Variants in TNRC6A observed in about 807,000 individuals in gnomAD.
TNRC6A encodes trinucleotide repeat-containing gene 6A protein.
Under a neutral mutation model 221.2 loss-of-function variants are expected in TNRC6A, and 44 were observed. The ratio of observed to expected loss-of-function variants is 0.20; its 90% CI spans 0.16 to 0.26. TNRC6A has a LOEUF of 0.26. Ranked by LOEUF, TNRC6A falls within the 10% of genes least tolerant of loss-of-function variation. TNRC6A has a pLI of 1.00. For synonymous variants in TNRC6A, 847 were observed against 838.5 expected, an observed-to-expected ratio of 1.01 and a Z score of -0.18; for missense variants, 2,199 against 2,404.4, an observed-to-expected ratio of 0.91 and a Z score of 1.79.
intron 2 of TNRC6A, among the ~76,000 whole-genome samples, chr16:24,707,865 C>G (rs1445593604): frequency 6.6e-6 from 1 of 152,158 alleles, no homozygotes; most frequent in East Asian, 1.9e-4. Context: ...TCAAGACCAG[C>G]CTGGCCAACA....
At chr16:24,649,214 AT>A (rs1902482330) in intron 2 of TNRC6A, among the ~76,000 whole-genome samples, 1 of 152,212 alleles carries the variant, frequency 6.6e-6, no homozygotes. Context: ...GTTTTTATAT[AT>A]GTATAAATTG....
intron 2 of TNRC6A, among the ~76,000 whole-genome samples, chr16:24,740,623 AT>A (rs957055387): frequency 6.6e-6 from 1 of 151,964 alleles, no homozygotes; most frequent in African/African-American, 2.4e-5. Flanking sequence ...AATACAGTAG[AT>A]TTTTTTTAAA....
At chr16:24,738,501 ACT>A (rs1357542216) in intron 2 of TNRC6A, among the ~76,000 whole-genome samples, 2 of 152,074 alleles carry the variant, frequency 1.3e-5, no homozygotes, top group African/African-American at 2.4e-5. Context: ...TTCTATTATA[ACT>A]CTATGGACTT....
intron 2 of TNRC6A, among the ~76,000 whole-genome samples, chr16:24,731,969 G>A (rs906997570): frequency 1.3e-5 from 2 of 152,280 alleles, no homozygotes; most frequent in African/African-American, 2.4e-5. Flanking sequence ...GTTCACAGAG[G>A]GCATGTACAG....
intron 2 of TNRC6A, among the ~76,000 whole-genome samples, chr16:24,724,636 C>T (rs1271651150): frequency 6.6e-6 from 1 of 152,046 alleles, no homozygotes; most frequent in Non-Finnish European, 1.5e-5. Flanking sequence ...GTCTCAGCTA[C>T]TTGAGGCTGA....
At chr16:24,705,621 C>T (rs573304594) in intron 2 of TNRC6A, among the ~76,000 whole-genome samples, 8 of 152,204 alleles carry the variant, frequency 5.3e-5, no homozygotes, top group South Asian at 4.2e-4. Flanking sequence ...CATGAGTCAC[C>T]GCACCCAGCC....
At chr16:24,788,079 G>T (rs994958083) in intron 5 of TNRC6A, among the ~76,000 whole-genome samples, 4 of 152,226 alleles carry the variant, frequency 2.6e-5, no homozygotes, top group African/African-American at 9.6e-5. Flanking sequence ...CCAAGTGAGA[G>T]TTAAGAATCT....
chr16:24,815,882 G>C (rs1400856510), intron 19 of TNRC6A: 1 of 157,292 alleles, frequency 6.4e-6, no homozygotes, highest in African/African-American at 2.4e-5. Flanking sequence ...TTTCTCGTAA[G>C]TTGTGTCAGG....
At chr16:24,708,772 A>C (rs542933843) in intron 2 of TNRC6A, among the ~76,000 whole-genome samples, 1 of 152,286 alleles carries the variant, frequency 6.6e-6, no homozygotes, top group East Asian at 1.9e-4. Flanking sequence ...TTTCTGACTT[A>C]CTTCACTTAG....
At chr16:24,614,189 T>C (rs1209878554) in intron 1 of TNRC6A, among the ~76,000 whole-genome samples, 2 of 152,190 alleles carry the variant, frequency 1.3e-5, no homozygotes, top group African/African-American at 4.8e-5. Flanking sequence ...CAGTCTTTCA[T>C]ATGACAGCTG....
At chr16:24,672,734 G>C (rs12597894) in intron 2 of TNRC6A, among the ~76,000 whole-genome samples, 3 of 151,674 alleles carry the variant, frequency 2.0e-5, no homozygotes, top group Admixed American at 1.3e-4. Context: ...ATCATGAGCC[G>C]CTGTGCCTGG....
At chr16:24,665,904 T>C (rs1000344974) in intron 2 of TNRC6A, among the ~76,000 whole-genome samples, 25 of 152,090 alleles carry the variant, frequency 1.6e-4, no homozygotes, top group Admixed American at 1.5e-3. Context: ...TTGTGAGGTG[T>C]TGGTGGTGGT....
At chr16:24,671,486 T>C (rs937225429) in intron 2 of TNRC6A, among the ~76,000 whole-genome samples, 2 of 152,206 alleles carry the variant, frequency 1.3e-5, no homozygotes, top group Non-Finnish European at 2.9e-5. Flanking sequence ...GGCTCATTTA[T>C]TCAGCATCCG....
rs1265804732 is a variant in TNRC6A, at chr16:24,790,309, A to G, written c.1667A>G (p.Asn556Ser). The change falls in exon 6 of 25, where the codon AAT becomes AGT. Residue 556 changes from asparagine to serine, a missense_variant. This residue lies in a region of TNRC6A where 1,405 missense variants were observed against 1,400.2 expected (regional missense o/e 1.00). Coordinates refer to ENST00000395799, the MANE Select transcript of TNRC6A (RefSeq NM_014494.4). ...VNATLMQPGVNGPMGTNFQVN... is the reference protein window; with the variant it reads ...VNATLMQPGVSGPMGTNFQVN... ...GCAACTCTAATGCAGCCTGGCGTAA[A>G]TGGTCCTATGGGCACTAACTTTCAA... is the stretch of plus-strand genomic sequence containing the variant. 1 of 1,614,126 alleles carries G rather than the reference A, an allele frequency of 6.2e-7. No individual in the cohort carries two copies. Among genetic ancestry groups the G allele is most frequent in the African/African-American group, 1.3e-5 (1 of 74,946 alleles).
At chr16:24,770,274 G>T (rs2057563019) in intron 4 of TNRC6A, among the ~76,000 whole-genome samples, 1 of 152,172 alleles carries the variant, frequency 6.6e-6, no homozygotes, top group African/African-American at 2.4e-5. Context: ...CTGGAAAAAG[G>T]TAGAGAGGGG....
chr16:24,666,498 G>A (rs2055165025), intron 2 of TNRC6A, among the ~76,000 whole-genome samples: 1 of 148,766 alleles, frequency 6.7e-6, no homozygotes, highest in Non-Finnish European at 1.5e-5. Context: ...AAATTAGATG[G>A]GCATTGTGAC....
At chr16:24,770,603 A>G (rs1266617001) in intron 4 of TNRC6A, among the ~76,000 whole-genome samples, 1 of 152,180 alleles carries the variant, frequency 6.6e-6, no homozygotes, top group Non-Finnish European at 1.5e-5. Flanking sequence ...TAGTTAAGCC[A>G]TTACCTAAAA....
intron 2 of TNRC6A, among the ~76,000 whole-genome samples, chr16:24,653,716 G>C (rs1385152259): frequency 6.6e-6 from 1 of 151,830 alleles, no homozygotes; most frequent in African/African-American, 2.4e-5. Flanking sequence ...GGATGTGCAG[G>C]TTGCAGTGAA....
At chr16:24,723,208 G>A (rs1317432982) in intron 2 of TNRC6A, among the ~76,000 whole-genome samples, 1 of 152,142 alleles carries the variant, frequency 6.6e-6, no homozygotes, top group Admixed American at 6.5e-5. Flanking sequence ...CACAGCAATG[G>A]TTCTCAATAA....
Sources: gnomAD v4.1 joint callset for allele counts (sites outside exome capture counted in the v4.1 genomes callset) on GRCh38, gnomAD v4.1.1 for gene constraint, gnomAD v4.1.1 regional missense constraint, MANE v1.5 for transcripts, NCBI Gene and HGNC (gene_info 2026-07-23, HGNC 2026-07-21) for gene names.